The following DEFB110 variants were observed in gnomAD, a reference collection of about 807,000 sequenced individuals.
The protein encoded by DEFB110 is defensin beta 110.
A neutral mutation model predicts 2.5 loss-of-function variants in DEFB110; 4 were observed. The observed-to-expected ratio is 1.60, with a 90% CI of 0.79 to 3.66. DEFB110 has a LOEUF of 3.66. Ranked by LOEUF, DEFB110 falls within the 30% of genes most tolerant of loss-of-function variation. The pLI, the probability that DEFB110 is intolerant of heterozygous loss-of-function variation, is 0.01. For missense variants in DEFB110, 94 were observed against 75.4 expected, an observed-to-expected ratio of 1.25 and a Z score of -0.91; for synonymous variants, 29 against 21.8, an observed-to-expected ratio of 1.33 and a Z score of -0.92.
intron 1 of DEFB110, among the ~76,000 whole-genome samples, chr6:50,010,150 A>G (rs893017948): frequency 6.6e-6 from 1 of 152,026 alleles, no homozygotes; most frequent in Non-Finnish European, 1.5e-5. Context: ...TATAATCAAC[A>G]TAATTGTCAG....
intron 1 of DEFB110, among the ~76,000 whole-genome samples, 178 bp from the exon 2 acceptor site, chr6:50,019,303 G>T (rs940867981): frequency 2.0e-5 from 3 of 152,042 alleles, no homozygotes; most frequent in African/African-American, 7.2e-5. Flanking sequence ...AATAAAAAGG[G>T]TCTTGGACTT....
At chr6:50,013,800 C>T (rs897838546) in intron 1 of DEFB110, among the ~76,000 whole-genome samples, 8 of 151,736 alleles carry the variant, frequency 5.3e-5, no homozygotes, top group African/African-American at 1.2e-4. Flanking sequence ...TCTAAGACTG[C>T]GTGACTGATT....
chr6:50,018,684 T>C (rs1271823330), downstream of DEFB110, among the ~76,000 whole-genome samples: 2 of 151,992 alleles, frequency 1.3e-5, no homozygotes, highest in Non-Finnish European at 2.9e-5. Flanking sequence ...TTATGGCAAC[T>C]AACACAAGGC....
chr6:50,014,351 A>C (rs1019552582), downstream of DEFB110, among the ~76,000 whole-genome samples: 1 of 151,766 alleles, frequency 6.6e-6, no homozygotes, highest in Admixed American at 6.6e-5. Flanking sequence ...GATTCTTTTC[A>C]AGAAATTCGA....
intron 1 of DEFB110, among the ~76,000 whole-genome samples, chr6:50,013,218 G>A (rs1774254685): frequency 6.6e-6 from 1 of 151,854 alleles, no homozygotes; most frequent in South Asian, 2.1e-4. Flanking sequence ...AGGTTTGTTG[G>A]ACTCAAAAGC....
chr6:50,019,950 T>A (rs1477428662), intron 1 of DEFB110, among the ~76,000 whole-genome samples: 1 of 152,086 alleles, frequency 6.6e-6, no homozygotes, highest in Non-Finnish European at 1.5e-5. Flanking sequence ...GCTTTTGCAT[T>A]AAAATAATGC....
chr6:50,016,672 T>C (rs1224413791), downstream of DEFB110, among the ~76,000 whole-genome samples: 1 of 151,748 alleles, frequency 6.6e-6, no homozygotes, highest in Non-Finnish European at 1.5e-5. Context: ...AAAGGGTTTC[T>C]AGAGTTTTCA....
downstream of DEFB110, among the ~76,000 whole-genome samples, chr6:50,014,657 C>T (rs1331222139): frequency 6.6e-6 from 1 of 151,756 alleles, no homozygotes; most frequent in African/African-American, 2.4e-5. Context: ...AACACCTTTA[C>T]AAATTCTCAG....
At chr6:50,020,489 A>G (rs1234575) in intron 1 of DEFB110, among the ~76,000 whole-genome samples, 2,636 of 152,126 alleles carry the variant, frequency 0.017, 73 homozygotes, top group African/African-American at 0.06. Context: ...GACAGATTTA[A>G]TATTTTCACA....
intron 1 of DEFB110, among the ~76,000 whole-genome samples, chr6:50,019,607 C>T (rs1211730570): frequency 1.3e-5 from 2 of 151,956 alleles, no homozygotes; most frequent in Admixed American, 6.6e-5. Context: ...CCTGCAACTC[C>T]CCTGAATATT....
At position 50,019,125 on chromosome 6, in the gene DEFB110, G is replaced by T. The variant is rs775126237; in HGVS notation, c.56C>A (p.Ala19Asp). 1 of 1,610,466 alleles carries T rather than the reference G, an allele frequency of 6.2e-7. No homozygotes were observed. The highest frequency in any genetic ancestry group is 1.7e-5 in the Admixed American group (1 of 59,536). The change falls in exon 2 of 2, where the codon GCC (alanine) becomes GAC (aspartate). Residue 19 changes from alanine (A) to aspartate (D), a missense_variant and splice_region_variant. Ala to Asp is a moderately radical substitution (Grantham distance 126, BLOSUM62 -2). Coordinates refer to ENST00000371148, the MANE Select transcript of DEFB110 (RefSeq NM_001037497.2). ...ILHFWVTILPAKKKYPEYGSL... is the reference protein window; with the variant it reads ...ILHFWVTILPDKKKYPEYGSL... The stretch of plus-strand genomic sequence containing the variant: ...ACCATACTCAGGATATTTCTTTTTG[G>T]CTGTAAGAAGGGAAGAATGACTAAA...
downstream of DEFB110, among the ~76,000 whole-genome samples, chr6:50,016,724 GA>G (rs35381630): frequency 9.9e-3 from 1,463 of 148,102 alleles, 16 homozygotes; most frequent in African/African-American, 0.03. Context: ...ATTTCCTCAG[GA>G]AAAAAAAAAT....
exon 2 of DEFB110, chr6:50,009,157 C>T: frequency 6.2e-7 from 1 of 1,610,328 alleles, no homozygotes; most frequent in Non-Finnish European, 8.5e-7. Context: ...GCACTGACTT[C>T]TCCATTTAAT....
At position 50,019,010 on chromosome 6, in the gene DEFB110, T is replaced by C; in HGVS notation, c.171A>G (p.Ile57Met). Reference sequence around the variant, plus strand: ...GCAAGCAGCAATGAGTTCCAGGTCTTATGCAGTAAGCAATCCTAATTTCAT... The same window carrying C: ...GCAAGCAGCAATGAGTTCCAGGTCTCATGCAGTAAGCAATCCTAATTTCAT... ...HENEIRIAYC[I>M]RPGTHCCLQQ The change falls in exon 2 of 2, where the codon ATA becomes ATG. Residue 57 changes from isoleucine (I) to methionine (M), a missense_variant. Coordinates refer to ENST00000371148, the MANE Select transcript of DEFB110 (RefSeq NM_001037497.2). 6.2e-7 allele frequency: 1 copy of C among 1,612,992 alleles called. No individual in the cohort carries two copies. Among genetic ancestry groups the C allele is most frequent in the South Asian group, 1.1e-5 (1 of 91,032 alleles).
In DEFB110 at chr6:50,013,575, A is replaced by T. The variant is rs568215786; in HGVS notation, c.56-4304T>A. Among the ~76,000 whole-genome samples the T allele has an allele frequency of 2.0e-5, 3 of 151,788 alleles. No individual in the cohort carries two copies. In the South Asian group the frequency reaches 6.2e-4, roughly 31 times the overall value. On this transcript the variant is annotated intron_variant, in intron 1 of 1. Transcript: ENST00000393660. ...CTCTTTTAAGGGAGGAAATAGAGAA[A>T]TTTTTGTAGCAGGAAATCTATGTCA...
At chr6:50,009,187 T>C in exon 2 of DEFB110, 1 of 1,611,088 alleles carries the variant, frequency 6.2e-7, no homozygotes, top group Non-Finnish European at 8.5e-7. Flanking sequence ...ATAATCATAC[T>C]CAACATCATC....
chr6:50,017,810 G>A (rs990865396), downstream of DEFB110, among the ~76,000 whole-genome samples: 2 of 151,578 alleles, frequency 1.3e-5, no homozygotes, highest in African/African-American at 4.8e-5. Flanking sequence ...TCCACAGAGA[G>A]GCCATAATAA....
chr6:50,014,426 G>A (rs759208359), downstream of DEFB110, among the ~76,000 whole-genome samples: 1 of 151,646 alleles, frequency 6.6e-6, no homozygotes. Flanking sequence ...AATAAGGGAG[G>A]ATTTTTGTAA....
downstream of DEFB110, among the ~76,000 whole-genome samples, chr6:50,018,088 T>G (rs1774347249): frequency 1.3e-5 from 2 of 152,012 alleles, no homozygotes; most frequent in South Asian, 4.1e-4. Flanking sequence ...AATTAGCTCT[T>G]CTAAATGGAA....
Sources: allele counts gnomAD v4.1 joint callset (sites outside exome capture counted in the v4.1 genomes callset), GRCh38; gene constraint gnomAD v4.1.1; transcripts MANE v1.5; gene names NCBI Gene and HGNC (gene_info 2026-07-23, HGNC 2026-07-21).